The following EFCAB5 variants were observed in gnomAD, a reference collection of about 807,000 sequenced individuals.
EFCAB5 encodes the protein EF-hand calcium binding domain 5, also known as EF-hand calcium-binding domain-containing protein 5.
EFCAB5 carries 131 observed loss-of-function variants against 167.9 expected under a neutral mutation model. The observed-to-expected ratio is 0.78, with a 90% CI of 0.68 to 0.90. EFCAB5 has a LOEUF of 0.90. Ranked by LOEUF, EFCAB5 falls within the 40% of genes least tolerant of loss-of-function variation. EFCAB5 has a pLI of 0.00. For missense variants in EFCAB5, 1,663 were observed against 1,745.2 expected (o/e 0.95, Z 0.84); for synonymous variants, 574 against 602.8 (o/e 0.95, Z 0.70).
At chr17:30,049,710 A>G (rs1298357824) in intron 8 of EFCAB5, among the ~76,000 whole-genome samples, 1 of 152,200 alleles carries the variant, frequency 6.6e-6, no homozygotes, top group African/African-American at 2.4e-5. Flanking sequence ...ATAAACTCTA[A>G]CAATATCAAG....
chr17:29,959,327 A>T (rs188902657), intron 3 of EFCAB5, among the ~76,000 whole-genome samples: 7 of 152,160 alleles, frequency 4.6e-5, no homozygotes, highest in Admixed American at 3.9e-4. Flanking sequence ...TTGGTGTTTC[A>T]TTTTACTGTA....
intron 3 of EFCAB5, among the ~76,000 whole-genome samples, chr17:29,967,256 G>A (rs1464959328): frequency 6.6e-6 from 1 of 152,202 alleles, no homozygotes; most frequent in East Asian, 1.9e-4. Flanking sequence ...TTCCTATAGA[G>A]TTACTGTTTT....
chr17:29,985,416 A>T (rs2068260094), intron 4 of EFCAB5, among the ~76,000 whole-genome samples: 1 of 152,220 alleles, frequency 6.6e-6, no homozygotes, highest in Non-Finnish European at 1.5e-5. Flanking sequence ...CAGCTCAGTC[A>T]TGGAGACCCT....
intron 14 of EFCAB5, among the ~76,000 whole-genome samples, chr17:30,075,831 C>A (rs1040827667): frequency 6.6e-6 from 1 of 152,162 alleles, no homozygotes; most frequent in Admixed American, 6.5e-5. Flanking sequence ...CAGATGCTTA[C>A]CTTGCTCTGC....
At chr17:29,997,243 TAAAAAAAA>T (rs1180178203) in intron 6 of EFCAB5, among the ~76,000 whole-genome samples, 1 of 130,756 alleles carries the variant, frequency 7.6e-6, no homozygotes, top group African/African-American at 2.8e-5. Flanking sequence ...AGACTCCTTC[TAAAAAAAA>T]AAAAAAAGAA....
chr17:30,001,640 A>G (rs1371103633), intron 7 of EFCAB5, among the ~76,000 whole-genome samples: 1 of 152,210 alleles, frequency 6.6e-6, no homozygotes, highest in African/African-American at 2.4e-5. Flanking sequence ...ATTTTATGAT[A>G]TGTGAATTAT....
At chr17:30,103,494 G>A (rs189559817) in intron 22 of EFCAB5, among the ~76,000 whole-genome samples, 1 of 152,016 alleles carries the variant, frequency 6.6e-6, no homozygotes, top group Non-Finnish European at 1.5e-5. Flanking sequence ...ACTGATATAC[G>A]TGCAAGAACT....
At position 30,051,237 on chromosome 17, in the gene EFCAB5, A is replaced by C. The variant is rs371750058; in HGVS notation, c.1300+20A>C. ...GACAATGTAAGTGCCGCTCAGAGGG[A>C]GTATGTTCAAGCTGGAGTGTCGCAG... On this transcript the variant is annotated intron_variant, in intron 9 of 22. Transcript: ENST00000394835. 610 of 1,608,834 alleles carry C rather than the reference A, an allele frequency of 3.8e-4. 1 individual carries two copies. The African/African-American group carries it at 7.3e-3, about 19-fold the overall frequency.
chr17:29,984,909 T>A lies in EFCAB5; in HGVS notation c.768-8256T>A, dbSNP rs1309276648. ...CATAAGGTAATGACTTAGATTTTAG[T>A]AGTTTCTTTGGTTCATCAGATGTAT... On this transcript the variant is annotated intron_variant, in intron 4 of 22. Transcript: ENST00000394835. 2.6e-5 allele frequency among the ~76,000 whole-genome samples: 4 copies of A among 152,296 alleles called. No individual in the cohort carries two copies. The East Asian group carries it at 7.7e-4, about 29-fold the overall frequency.
chr17:29,970,333 A>T (rs1285292934), intron 4 of EFCAB5, among the ~76,000 whole-genome samples: 1 of 151,950 alleles, frequency 6.6e-6, no homozygotes, highest in Non-Finnish European at 1.5e-5. Context: ...AACAATTGAG[A>T]CTTTTAAATA....
intron 7 of EFCAB5, among the ~76,000 whole-genome samples, chr17:30,001,625 T>C (rs1331303690): frequency 1.3e-5 from 2 of 152,166 alleles, no homozygotes; most frequent in Non-Finnish European, 2.9e-5. Context: ...TTATAAAATA[T>C]ATTAATTTTA....
intron 5 of EFCAB5, among the ~76,000 whole-genome samples, chr17:29,994,479 CA>C (rs1244696188): frequency 6.6e-6 from 1 of 151,766 alleles, no homozygotes; most frequent in Non-Finnish European, 1.5e-5. Context: ...CCTAATCACA[CA>C]AAAAGGTTGG....
At position 29,995,689 on chromosome 17, in the gene EFCAB5, T is replaced by C. The variant is rs1398422701; in HGVS notation, c.925-623T>C. Among the ~76,000 whole-genome samples, 3 of 152,226 alleles carry C rather than the reference T, an allele frequency of 2.0e-5. No homozygotes were observed. The East Asian group carries it at 5.8e-4, about 29-fold the overall frequency. On this transcript the variant is annotated intron_variant, in intron 5 of 22. Coordinates refer to ENST00000394835, the MANE Select transcript of EFCAB5 (RefSeq NM_198529.4). Reference sequence around the variant, plus strand: ...TAAGCAGAGCCAACTGAGATGTCTATGTGTTGGCTATTGCTTCTGCTGTTA... The same window carrying C: ...TAAGCAGAGCCAACTGAGATGTCTACGTGTTGGCTATTGCTTCTGCTGTTA...
At chr17:30,081,385 T>G (rs912079738) in intron 17 of EFCAB5, among the ~76,000 whole-genome samples, 2 of 152,252 alleles carry the variant, frequency 1.3e-5, no homozygotes, top group Non-Finnish European at 2.9e-5. Context: ...AATTCTGATA[T>G]GCATCCCCAT....
intron 21 of EFCAB5, among the ~76,000 whole-genome samples, 151 bp downstream of exon 21, chr17:30,092,308 A>C (rs1035380274): frequency 3.9e-5 from 6 of 152,220 alleles, no homozygotes; most frequent in African/African-American, 1.4e-4. Context: ...TAGATCAAGA[A>C]ATAGAGCATT....
In EFCAB5 at chr17:29,941,657, G is replaced by A. The variant is rs529499799; in HGVS notation, c.-140G>A. On this transcript the variant is annotated 5_prime_UTR_variant, in exon 1 of 23. Transcript: ENST00000394835. ...TTATCATTCAATAGAATTGTGGGGT[G>A]AGGTGAGGGCAGGAGTGAGGGAGCT... is the stretch of plus-strand genomic sequence containing the variant. 2 of 616,044 alleles carry A rather than the reference G, an allele frequency of 3.2e-6. No homozygotes were observed. Among genetic ancestry groups the A allele is most frequent in the African/African-American group, 3.7e-5 (2 of 53,342 alleles). 38.2% of individuals were successfully genotyped at this position (616,044 alleles called of 1,614,324 possible). A position where few individuals can be genotyped will look rare whatever the true frequency, so the allele number is the denominator to read the frequency against.
At chr17:30,001,271 T>C (rs1448665164) in intron 7 of EFCAB5, among the ~76,000 whole-genome samples, 2 of 152,146 alleles carry the variant, frequency 1.3e-5, no homozygotes, top group African/African-American at 2.4e-5. Flanking sequence ...ATTCCACAGA[T>C]ACAAATGAGA....
At chr17:30,018,204 T>G (rs1266468061) in intron 7 of EFCAB5, among the ~76,000 whole-genome samples, 1 of 152,146 alleles carries the variant, frequency 6.6e-6, no homozygotes, top group East Asian at 1.9e-4. Flanking sequence ...TTTTTTTTTT[T>G]CTTCATTCAT....
At chr17:29,963,390 G>C (rs976757021) in intron 3 of EFCAB5, among the ~76,000 whole-genome samples, 10 of 152,122 alleles carry the variant, frequency 6.6e-5, no homozygotes, top group Admixed American at 1.3e-4. Flanking sequence ...TTGCATTCCT[G>C]AGATAAATCT....
Sources: gnomAD v4.1 joint callset for allele counts (sites outside exome capture counted in the v4.1 genomes callset) on GRCh38, gnomAD v4.1.1 for gene constraint, MANE v1.5 for transcripts, NCBI Gene and HGNC (gene_info 2026-07-23, HGNC 2026-07-21) for gene names.